The following WASF3 variants were observed in gnomAD, a reference collection of about 807,000 sequenced individuals.
WASF3 encodes the protein WASP family member 3, also known as actin-binding protein WASF3.
WASF3 carries 11 observed loss-of-function variants against 46.6 expected under a neutral mutation model. The observed-to-expected ratio is 0.24, with a 90% CI of 0.15 to 0.39. The LOEUF is 0.39. WASF3 is among the 10% of genes least tolerant of loss of function. The probability of loss-of-function intolerance (pLI) is 1.00; values close to 1 mark genes in which losing one functional copy is unlikely to be tolerated. For synonymous variants in WASF3, 242 were observed against 259.7 expected, an observed-to-expected ratio of 0.93 and a Z score of 0.65; for missense variants, 576 against 669.8, an observed-to-expected ratio of 0.86 and a Z score of 1.55.
At chr13:26,676,957 A>G (rs1389699458) in intron 7 of WASF3, among the ~76,000 whole-genome samples, 1 of 152,198 alleles carries the variant, frequency 6.6e-6, no homozygotes, top group African/African-American at 2.4e-5. Flanking sequence ...CTTAAAATGT[A>G]TTGTTGAGTT....
At chr13:26,610,622 G>C (rs1880944380) in intron 1 of WASF3, among the ~76,000 whole-genome samples, 1 of 152,188 alleles carries the variant, frequency 6.6e-6, no homozygotes, top group South Asian at 2.1e-4. Context: ...GTGACACAGG[G>C]AGTGTAACAG....
intron 1 of WASF3, among the ~76,000 whole-genome samples, chr13:26,608,732 A>G (rs1460073651): frequency 1.3e-5 from 2 of 152,302 alleles, no homozygotes; most frequent in East Asian, 3.9e-4. Context: ...AGAGACCAAG[A>G]AAGAGGAGAA....
At chr13:26,669,513 AATTT>A (rs1882868950) in intron 5 of WASF3, among the ~76,000 whole-genome samples, 1 of 88,244 alleles carries the variant, frequency 1.1e-5, no homozygotes, top group African/African-American at 6.4e-5. Context: ...CTGAAAAAAA[AATTT>A]TTTTTTTTGA....
chr13:26,674,616 T>G (rs1181710404), intron 6 of WASF3, among the ~76,000 whole-genome samples: 1 of 152,246 alleles, frequency 6.6e-6, no homozygotes, highest in Non-Finnish European at 1.5e-5. Flanking sequence ...ATACACACAC[T>G]GACATTATTA....
intron 3 of WASF3, among the ~76,000 whole-genome samples, chr13:26,650,714 T>A (rs1266512131): frequency 2.0e-5 from 3 of 152,082 alleles, no homozygotes; most frequent in African/African-American, 7.2e-5. Flanking sequence ...ATGCCAGAAC[T>A]GAAAAATACA....
chr13:26,544,656 C>T, the WASF3 span, among the ~76,000 whole-genome samples: 2 of 152,206 alleles, frequency 1.3e-5, no homozygotes, highest in Non-Finnish European at 2.9e-5. Flanking sequence ...AGAAGAATCA[C>T]AGTAAGAATC....
intron 1 of WASF3, among the ~76,000 whole-genome samples, chr13:26,563,654 CAAAAAAAAAAAAA>C (rs34374716): frequency 2.1e-5 from 1 of 47,030 alleles, no homozygotes; most frequent in Non-Finnish European, 3.8e-5. Flanking sequence ...GACTCCATCT[CAAAAAAAAAAAAA>C]AAAAAAAAAA....
chr13:26,582,791 T>C (rs940552633), intron 1 of WASF3, among the ~76,000 whole-genome samples: 1 of 151,478 alleles, frequency 6.6e-6, no homozygotes, highest in African/African-American at 2.4e-5. Flanking sequence ...ATAGAAAATT[T>C]CCCAGTAACT....
At chr13:26,648,448 A>T (rs1445852476) in intron 3 of WASF3, among the ~76,000 whole-genome samples, 6 of 152,210 alleles carry the variant, frequency 3.9e-5, no homozygotes, top group African/African-American at 1.4e-4. Context: ...GAGGTGTGTT[A>T]ATTGACATAA....
intron 1 of WASF3, among the ~76,000 whole-genome samples, chr13:26,606,069 G>A (rs916617293): frequency 6.6e-6 from 1 of 152,200 alleles, no homozygotes; most frequent in Non-Finnish European, 1.5e-5. Flanking sequence ...GCGGCACCTG[G>A]TGGTGCAGTA....
chr13:26,680,288 A>G (rs1285211095), intron 7 of WASF3: 1 of 1,418,546 alleles, frequency 7.0e-7, no homozygotes, highest in Non-Finnish European at 9.3e-7. Flanking sequence ...CCTCCTGGCC[A>G]CATGTCCTGT....
chr13:26,539,485 G>A, the WASF3 span, among the ~76,000 whole-genome samples: 1 of 152,064 alleles, frequency 6.6e-6, no homozygotes, highest in South Asian at 2.1e-4. Context: ...TTTTCCTGAA[G>A]ATTTTCCGTT....
In WASF3 at chr13:26,682,461, G is replaced by A. The variant is rs1475715006; in HGVS notation, c.984-146G>A. The A allele has an allele frequency of 2.3e-6, 2 of 878,624 alleles. No homozygotes were observed. The highest frequency in any genetic ancestry group is 3.6e-6 in the Non-Finnish European group (2 of 553,556). The allele number at this position is 878,624 out of a possible 1,614,324, so 54.4% of individuals were successfully genotyped here. On this transcript the variant is annotated intron_variant, in intron 8 of 9. Coordinates refer to ENST00000335327, the MANE Select transcript of WASF3 (RefSeq NM_006646.6). The surrounding 1 kb of genome is among the most constrained non-coding windows in gnomAD (Gnocchi z 4.4). ...AAACTGTGAAAATAACTGACCCAAG[G>A]TGTGCATGTTTGCATCCTGCCATGA...
chr13:26,555,251 GT>G (rs1351893348), upstream of WASF3, among the ~76,000 whole-genome samples: 1 of 152,046 alleles, frequency 6.6e-6, no homozygotes, highest in African/African-American at 2.4e-5. Flanking sequence ...AAATTGGATT[GT>G]TTTTTAATTG....
intron 2 of WASF3, among the ~76,000 whole-genome samples, chr13:26,614,261 T>C (rs968204484): frequency 2.0e-5 from 3 of 152,288 alleles, no homozygotes; most frequent in Non-Finnish European, 2.9e-5. Flanking sequence ...CATAGGAAAA[T>C]TGAACTTGAT....
At chr13:26,604,526 C>T (rs1222350506) in intron 1 of WASF3, among the ~76,000 whole-genome samples, 1 of 152,062 alleles carries the variant, frequency 6.6e-6, no homozygotes, top group Non-Finnish European at 1.5e-5. Flanking sequence ...GTTTAATGTG[C>T]ATCCGAAGTG....
intron 2 of WASF3, among the ~76,000 whole-genome samples, chr13:26,632,521 C>G (rs1178020305): frequency 1.3e-5 from 2 of 152,198 alleles, no homozygotes; most frequent in African/African-American, 4.8e-5. Flanking sequence ...AGGCATGAAG[C>G]TGACTTGATC....
At chr13:26,656,872 C>A (rs145634489) in intron 3 of WASF3, among the ~76,000 whole-genome samples, 1 of 151,852 alleles carries the variant, frequency 6.6e-6, no homozygotes, top group Non-Finnish European at 1.5e-5. Flanking sequence ...AAGAAAAAAA[C>A]GAGATCATAC....
chr13:26,683,829 G>A (rs1176652378), intron 9 of WASF3, among the ~76,000 whole-genome samples: 2 of 152,184 alleles, frequency 1.3e-5, no homozygotes, highest in Non-Finnish European at 2.9e-5. Flanking sequence ...GCCCTCGCCT[G>A]TCTTGGGCTG....
Sources: gnomAD v4.1 joint callset for allele counts (sites outside exome capture counted in the v4.1 genomes callset) on GRCh38, gnomAD v4.1.1 for gene constraint, Gnocchi (gnomAD v3.1) non-coding constraint, MANE v1.5 for transcripts, NCBI Gene and HGNC (gene_info 2026-07-23, HGNC 2026-07-21) for gene names.